INPPL1: variants seen among roughly 807,000 people sequenced by gnomAD.
INPPL1 encodes phosphatidylinositol 3,4,5-trisphosphate 5-phosphatase 2.
A neutral mutation model predicts 139.3 loss-of-function variants in INPPL1; 91 were observed. The observed-to-expected ratio is 0.65, with a 90% CI of 0.55 to 0.78. The LOEUF (loss-of-function observed/expected upper bound fraction) is 0.78, where lower values mean the gene tolerates loss of function less well. Ranked by LOEUF, INPPL1 falls within the 30% of genes least tolerant of loss-of-function variation. The pLI, the probability that INPPL1 is intolerant of heterozygous loss-of-function variation, is 0.00. For missense variants in INPPL1, 1,411 were observed against 1,665.6 expected (o/e 0.85, Z 2.66); for synonymous variants, 719 against 686.6 (o/e 1.05, Z -0.74).
In INPPL1 at chr11:72,232,659, G is replaced by A; in HGVS notation, c.1746G>A (p.Leu582=). 1.2e-6 allele frequency: 2 copies of A among 1,613,926 alleles called. No homozygotes were observed. The highest frequency in any genetic ancestry group is 1.7e-6 in the Non-Finnish European group (2 of 1,180,006). Residue 582 remains leucine (L), a synonymous_variant, in exon 15 of 28, where the codon CTG becomes CTA. Coordinates refer to ENST00000298229, the MANE Select transcript of INPPL1 (RefSeq NM_001567.4). ...RNQNYLDILR[L]LSLGDRQLNA... Reference sequence around the variant, plus strand: ...AAAACTACTTGGACATCCTGCGGCTGCTCTCGCTGGGCGACCGGCAGCTCA... The same window carrying A: ...AAAACTACTTGGACATCCTGCGGCTACTCTCGCTGGGCGACCGGCAGCTCA...
rs1445989062 is a variant in INPPL1 at position 72,238,252 on chromosome 11, T to G, written c.3687-11T>G. ...TGCCCATCTCACTTCCCAGCCTGTT[T>G]TACTCCACAGTGACATCACCGAGGA... On this transcript the variant is annotated splice_polypyrimidine_tract_variant and intron_variant, in intron 27 of 27. Transcript: ENST00000298229. 2.5e-6 allele frequency: 4 copies of G among 1,613,492 alleles called. No homozygotes were observed. The African/African-American group carries it at 5.3e-5, about 22-fold the overall frequency.
At chr11:72,227,341 G>A (rs1222644077) in intron 1 of INPPL1, among the ~76,000 whole-genome samples, 1 of 152,198 alleles carries the variant, frequency 6.6e-6, no homozygotes, top group African/African-American at 2.4e-5. Flanking sequence ...ATAGGACACT[G>A]GGTACCCAGC....
chr11:72,228,325 C>T lies in INPPL1; in HGVS notation c.247-23C>T, dbSNP rs750453091. ...TTGGGGACCTGCTGGCTGACCCTTC[C>T]TCCCACCCTTGCTGGCCCACAGACC... is the stretch of plus-strand genomic sequence containing the variant. On this transcript the variant is annotated intron_variant, in intron 2 of 27. Coordinates refer to ENST00000298229, the MANE Select transcript of INPPL1 (RefSeq NM_001567.4). The surrounding 1 kb of genome is among the most constrained non-coding windows in gnomAD (Gnocchi z 5.0). The T allele has an allele frequency of 1.9e-6, 3 of 1,613,982 alleles. No individual in the cohort carries two copies. The highest frequency in any genetic ancestry group is 2.2e-5 in the South Asian group (2 of 91,086).
chr11:72,231,509 A>G lies in INPPL1; in HGVS notation c.1509A>G (p.Gln503=). Reference sequence around the variant, plus strand: ...CACTCTCTACCCAGATTGCCATGCAATCACTGTGGAATATCAAGGTGGCAG... The same window carrying G: ...CACTCTCTACCCAGATTGCCATGCAGTCACTGTGGAATATCAAGGTGGCAG... The part of the protein sequence containing the change: ...TDLDYRPIAM[Q]SLWNIKVAVL... Residue 503 remains glutamine (Q), a synonymous_variant, in exon 13 of 28, where the codon CAA becomes CAG. Coordinates refer to ENST00000298229, the MANE Select transcript of INPPL1 (RefSeq NM_001567.4). 6.2e-6 allele frequency: 10 copies of G among 1,613,560 alleles called. No individual in the cohort carries two copies. Among genetic ancestry groups the G allele is most frequent in the South Asian group, 1.1e-5 (1 of 91,070 alleles).
chr11:72,235,327 C>G lies in INPPL1; in HGVS notation c.2535C>G (p.Ile845Met). The G allele has an allele frequency of 6.2e-7, 1 of 1,614,040 alleles. No homozygotes were observed. The highest frequency in any genetic ancestry group is 8.5e-7 in the Non-Finnish European group (1 of 1,179,984). ...GTGTGGTTGCACTCAAATCCATGAT[C>G]GGCAGCACGGCCCAACAGTTCCTGA... ...GECVVALKSM[I>M]GSTAQQFLTF... is the part of the protein sequence containing the mutation. The change falls in exon 23 of 28, where the codon ATC becomes ATG. Residue 845 changes from isoleucine (I) to methionine (M), a missense_variant. Physicochemically the swap from Ile to Met is conservative, Grantham distance 10. Transcript: ENST00000298229. The surrounding 1 kb of genome is among the most constrained non-coding windows in gnomAD (Gnocchi z 4.9).
chr11:72,233,965 C>A (rs547977606), intron 19 of INPPL1, among the ~76,000 whole-genome samples: 3 of 152,188 alleles, frequency 2.0e-5, no homozygotes, highest in Admixed American at 1.3e-4. Flanking sequence ...TGAGTGTACA[C>A]CTATCTATGT....
intron 19 of INPPL1, 149 bp downstream of exon 19, chr11:72,233,893 C>A: frequency 2.9e-6 from 2 of 687,428 alleles, no homozygotes; most frequent in East Asian, 2.6e-5. Context: ...TGTGATGTGT[C>A]AGGGTGTCTG....
At position 72,235,571 on chromosome 11, in the gene INPPL1, G is replaced by T; in HGVS notation, c.2660-104G>T. On this transcript the variant is annotated intron_variant, in intron 23 of 27. Coordinates refer to ENST00000298229, the MANE Select transcript of INPPL1 (RefSeq NM_001567.4). The surrounding 1 kb of genome is among the most constrained non-coding windows in gnomAD (Gnocchi z 4.9). ...GGTTCTGCAGCCACAGCTGGGAATA[G>T]TCCTGCCCCAAGGCATAGCTGGGAA... 1.3e-6 allele frequency: 2 copies of T among 1,570,908 alleles called. No homozygotes were observed. Among genetic ancestry groups the T allele is most frequent in the Non-Finnish European group, 1.7e-6 (2 of 1,149,706 alleles).
chr11:72,233,751 G>C lies in INPPL1; in HGVS notation c.2212+7G>C, dbSNP rs770867387. On this transcript the variant is annotated splice_region_variant and intron_variant, in intron 19 of 27. Transcript: ENST00000298229. ...CAGTTCATCTCCAAGAAAGGTGACT[G>C]TTCCAGATATGCTTGTGGGTGTGGC... is the stretch of plus-strand genomic sequence containing the variant. 7 of 1,611,516 alleles carry C rather than the reference G, an allele frequency of 4.3e-6. No homozygotes were observed. The highest frequency in any genetic ancestry group is 3.3e-5 in the South Asian group (3 of 91,030).
In INPPL1 at chr11:72,230,746, G is replaced by A. The variant is rs1948809286; in HGVS notation, c.1198-50G>A. On this transcript the variant is annotated intron_variant, in intron 10 of 27. Transcript: ENST00000298229. Reference sequence around the variant, plus strand: ...AACTGGCAGGGTATCCCTGTGGACGGGGGGCTTCCTGGATGCCTACCCGCC... The same window carrying A: ...AACTGGCAGGGTATCCCTGTGGACGAGGGGCTTCCTGGATGCCTACCCGCC... 19 of 1,510,642 alleles carry A rather than the reference G, an allele frequency of 1.3e-5. 1 individual carries two copies. Among genetic ancestry groups the A allele is most frequent in the Non-Finnish European group, 1.7e-5 (19 of 1,090,850 alleles). 93.6% of individuals were successfully genotyped at this position (1,510,642 alleles called of 1,614,324 possible). A position where few individuals can be genotyped will look rare whatever the true frequency, so the allele number is the denominator to read the frequency against.
chr11:72,234,730 AGAGTGTGTGT>A lies in INPPL1; in HGVS notation c.2415+117_2415+126del. On this transcript the variant is annotated intron_variant, in intron 21 of 27. Transcript: ENST00000298229. This position sits in a 1 kb window ranked among gnomAD's most constrained non-coding sequence, Gnocchi z 4.2. Reference sequence around the variant, plus strand: ...GTGGGGCCAGCAGAGAGAGAGAGAGAGAGTGTGTGTGTGTGTGTGTGTGTGTGTGTGTGTA... The same window carrying A: ...GTGGGGCCAGCAGAGAGAGAGAGAGAGTGTGTGTGTGTGTGTGTGTGTGTA... 1.8e-6 allele frequency: 1 copy of A among 567,928 alleles called. No homozygotes were observed. Among genetic ancestry groups the A allele is most frequent in the Non-Finnish European group, 3.1e-6 (1 of 322,648 alleles). The allele number at this position is 567,928 out of a possible 1,614,324, so 35.2% of individuals were successfully genotyped here.
Position 72,224,892 on chromosome 11 carries a change from G to C in INPPL1, c.-93G>C. 1.1e-6 allele frequency: 1 copy of C among 904,312 alleles called. No homozygotes were observed. Among genetic ancestry groups the C allele is most frequent in the Non-Finnish European group, 1.3e-6 (1 of 746,568 alleles). 56.0% of individuals were successfully genotyped at this position (904,312 alleles called of 1,614,324 possible). On this transcript the variant is annotated 5_prime_UTR_variant, in exon 1 of 28. Coordinates refer to ENST00000298229, the MANE Select transcript of INPPL1 (RefSeq NM_001567.4). ...TCCGGCCCACGGATCCTCAAGCCCG[G>C]GCCCCGGGCCCGGCCCCAGCCTCAG...
At chr11:72,237,049 T>G (rs1179004514) in intron 25 of INPPL1, 75 bp from the exon 26 acceptor site, 1 of 1,373,852 alleles carries the variant, frequency 7.3e-7, no homozygotes, top group Non-Finnish European at 9.9e-7. Flanking sequence ...CCCGTCTAGT[T>G]CTCCTTCCAC....
chr11:72,229,870 C>G, intron 7 of INPPL1, 54 bp from the exon 8 acceptor site: 1 of 1,582,666 alleles, frequency 6.3e-7, no homozygotes. Context: ...GTGTCCCTCC[C>G]TGCCCCAGCC....
intron 1 of INPPL1, chr11:72,225,594 C>T: frequency 5.4e-6 from 5 of 929,980 alleles, no homozygotes; most frequent in Non-Finnish European, 6.4e-6. Context: ...GTGGGGATGC[C>T]TGGCAGCTTC....
Position 72,238,575 on chromosome 11 carries a change from C to T in INPPL1, c.*222C>T. The T allele has an allele frequency of 9.6e-6, 4 of 415,826 alleles. No individual in the cohort carries two copies. The Admixed American group carries it at 1.8e-4, about 18-fold the overall frequency. 25.8% of individuals were successfully genotyped at this position (415,826 alleles called of 1,614,324 possible). ...GCCTTTTAGGCTCAGGACGGAAGGT[C>T]AGTTGCCATGGTTACCGAGGACCCT... On this transcript the variant is annotated 3_prime_UTR_variant, in exon 28 of 28. Transcript: ENST00000298229.
chr11:72,237,392 C>G lies in INPPL1; in HGVS notation c.3148C>G (p.Pro1050Ala). 1.2e-6 allele frequency: 2 copies of G among 1,613,602 alleles called. No homozygotes were observed. Among genetic ancestry groups the G allele is most frequent in the African/African-American group, 1.3e-5 (1 of 75,046 alleles). ...TGAGGAGTCTGGAGGCACACTGCCC[C>G]CTCCAGACTTTCCACCTCCACCACT... ...SDEESGGTLP[P>A]PDFPPPPLPD... Residue 1050 changes from proline to alanine, a missense_variant, in exon 26 of 28, where the codon CCT becomes GCT. Pro to Ala is a conservative substitution (Grantham distance 27, BLOSUM62 -1). Transcript: ENST00000298229.
rs754252272 is a variant in INPPL1 at position 72,234,262 on chromosome 11, C to T, written c.2213-19C>T. 1.9e-6 allele frequency: 3 copies of T among 1,563,874 alleles called. No individual in the cohort carries two copies. Among genetic ancestry groups the T allele is most frequent in the Non-Finnish European group, 1.8e-6 (2 of 1,134,822 alleles). On this transcript the variant is annotated intron_variant, in intron 19 of 27. Coordinates refer to ENST00000298229, the MANE Select transcript of INPPL1 (RefSeq NM_001567.4). The surrounding 1 kb of genome is among the most constrained non-coding windows in gnomAD (Gnocchi z 4.2). ...GATCCTCTCAGTCCTCCTGTTTGTT[C>T]TCCTCCCTTTCTCCTCAGGGCTCTC...
At chr11:72,230,750 G>C (rs748828006) in intron 10 of INPPL1, 46 bp from the exon 11 acceptor site, 1 of 1,535,718 alleles carries the variant, frequency 6.5e-7, no homozygotes, top group African/African-American at 1.4e-5. Flanking sequence ...TGGACGGGGG[G>C]CTTCCTGGAT....
Sources: allele counts gnomAD v4.1 joint callset (sites outside exome capture counted in the v4.1 genomes callset), GRCh38; gene constraint gnomAD v4.1.1; non-coding constraint Gnocchi (gnomAD v3.1); transcripts MANE v1.5; gene names NCBI Gene and HGNC (gene_info 2026-07-23, HGNC 2026-07-21).